UGT2A2: variants seen among roughly 807,000 people sequenced by gnomAD.
The protein encoded by UGT2A2 is UDP glucuronosyltransferase family 2 member A2.
UGT2A2 carries 60 observed loss-of-function variants against 50.7 expected under a neutral mutation model. The ratio of observed to expected loss-of-function variants is 1.18; its 90% CI spans 0.96 to 1.47. The LOEUF is 1.47. Ranked by LOEUF, UGT2A2 falls within the 40% of genes most tolerant of loss-of-function variation. The pLI is 0.00. For missense variants in UGT2A2, 762 were observed against 634.0 expected (o/e 1.20, Z -2.17); for synonymous variants, 242 against 214.6 (o/e 1.13, Z -1.11).
At chr4:69,590,422 T>C (rs1480468271) in intron 5 of UGT2A2, among the ~76,000 whole-genome samples, 1 of 152,224 alleles carries the variant, frequency 6.6e-6, no homozygotes, top group African/African-American at 2.4e-5. Flanking sequence ...GTTTCCCTAG[T>C]TGTTAAACCA....
intron 1 of UGT2A2, among the ~76,000 whole-genome samples, chr4:69,627,624 A>G (rs2109949307): frequency 6.6e-6 from 1 of 151,754 alleles, no homozygotes; most frequent in African/African-American, 2.4e-5. Flanking sequence ...GAGAAGAAAG[A>G]AAAAAGAAAA....
chr4:69,622,794 G>A (rs970684706), intron 1 of UGT2A2, among the ~76,000 whole-genome samples: 2 of 151,696 alleles, frequency 1.3e-5, no homozygotes, highest in African/African-American at 2.4e-5. Flanking sequence ...GAATATAGAC[G>A]TTCAAGGTCC....
At chr4:69,621,867 T>C (rs920599903) in intron 1 of UGT2A2, among the ~76,000 whole-genome samples, 2 of 151,666 alleles carry the variant, frequency 1.3e-5, no homozygotes, top group Non-Finnish European at 2.9e-5. Context: ...TAGATGGAGC[T>C]GGGGGGAGGG....
intron 1 of UGT2A2, among the ~76,000 whole-genome samples, chr4:69,604,998 G>A (rs62306497): frequency 0.19 from 24,998 of 135,058 alleles, 6,068 homozygotes; most frequent in Non-Finnish European, 0.22. Flanking sequence ...CACTGTCAAC[G>A]TTAGACAGAT....
At chr4:69,610,246 C>A (rs563013218) in intron 1 of UGT2A2, among the ~76,000 whole-genome samples, 4 of 151,054 alleles carry the variant, frequency 2.6e-5, no homozygotes. Flanking sequence ...TCTGCCATTA[C>A]AAAAAAAAAG....
At position 69,607,064 on chromosome 4, in the gene UGT2A2, A is replaced by T. The variant is rs1334354349; in HGVS notation, c.743-7670T>A. Among the ~76,000 whole-genome samples the T allele has an allele frequency of 1.0e-4, 11 of 107,120 alleles. 3 individuals carry two copies. The highest frequency in any genetic ancestry group is 2.7e-4 in the Admixed American group (3 of 11,152). 70.3% of individuals were successfully genotyped at this position (107,120 alleles called of 152,430 possible). ...GACTTTCTTCACAGAATTGGAAAAAACTACTTTAAAGTTCATATGGAACCA... is the reference window on the plus strand; with the variant it reads ...GACTTTCTTCACAGAATTGGAAAAATCTACTTTAAAGTTCATATGGAACCA... On this transcript the variant is annotated intron_variant, in intron 1 of 5. Coordinates refer to ENST00000604629, the MANE Select transcript of UGT2A2 (RefSeq NM_001105677.2).
chr4:69,606,782 A>G (rs1719652034), intron 1 of UGT2A2, among the ~76,000 whole-genome samples: 1 of 136,774 alleles, frequency 7.3e-6, no homozygotes, highest in Admixed American at 7.2e-5. Context: ...CCAATAACAG[A>G]CAAACAGAGA....
intron 1 of UGT2A2, among the ~76,000 whole-genome samples, chr4:69,626,965 C>T (rs191848032): frequency 1.0e-3 from 152 of 151,754 alleles, no homozygotes; most frequent in African/African-American, 3.3e-3. Flanking sequence ...CTTCTGTTTT[C>T]GCTGCCTCAA....
chr4:69,623,794 A>G (rs962382747), intron 1 of UGT2A2, among the ~76,000 whole-genome samples: 9 of 151,582 alleles, frequency 5.9e-5, no homozygotes, highest in Non-Finnish European at 8.9e-5. Flanking sequence ...AAGGTAGAAA[A>G]TTGAGCTTAA....
Position 69,604,473 on chromosome 4 carries a change from A to G in UGT2A2, c.743-5079T>C, listed in dbSNP as rs1719481152. Among the ~76,000 whole-genome samples the G allele has an allele frequency of 1.5e-5, 2 of 137,216 alleles. 1 individual carries two copies. Among genetic ancestry groups the G allele is most frequent in the Non-Finnish European group, 3.1e-5 (2 of 64,454 alleles). The allele number at this position is 137,216 out of a possible 152,430, so 90.0% of individuals were successfully genotyped here. ...ACCAGCCACTGCAAAAACATGCCACATTGTACAGACCATCGAGGCTAGGAA... is the reference window on the plus strand; with the variant it reads ...ACCAGCCACTGCAAAAACATGCCACGTTGTACAGACCATCGAGGCTAGGAA... On this transcript the variant is annotated intron_variant, in intron 1 of 5. Coordinates refer to ENST00000604629, the MANE Select transcript of UGT2A2 (RefSeq NM_001105677.2).
intron 5 of UGT2A2, among the ~76,000 whole-genome samples, chr4:69,592,706 G>A (rs1718657364): frequency 2.6e-5 from 4 of 152,086 alleles, no homozygotes; most frequent in Admixed American, 2.0e-4. Context: ...CAGGAAATAA[G>A]AGAGGAAAAC....
chr4:69,637,997 CAGGAAGGAAGGA>C (rs200856756), intron 1 of UGT2A2, among the ~76,000 whole-genome samples: 1 of 132,986 alleles, frequency 7.5e-6, no homozygotes, highest in Non-Finnish European at 1.6e-5. Context: ...GGAAGGCAGG[CAGGAAGGAAGGA>C]AGGAAGGAAG....
At chr4:69,632,874 C>T (rs1422908562) in intron 1 of UGT2A2, among the ~76,000 whole-genome samples, 2 of 141,764 alleles carry the variant, frequency 1.4e-5, no homozygotes, top group African/African-American at 2.7e-5. Flanking sequence ...AGCGACAGTG[C>T]AAGACTCGGT....
chr4:69,631,517 T>A (rs17680131), intron 1 of UGT2A2, among the ~76,000 whole-genome samples: 34,514 of 151,964 alleles, frequency 0.23, 4,188 homozygotes, highest in Middle Eastern at 0.26. Flanking sequence ...TAATGAGAAA[T>A]AGTTTAGTTA....
intron 1 of UGT2A2, among the ~76,000 whole-genome samples, chr4:69,616,447 T>A (rs539061154): frequency 6.6e-6 from 1 of 152,002 alleles, no homozygotes; most frequent in Admixed American, 6.6e-5. Context: ...CCTGATTTGA[T>A]CATTACACAT....
chr4:69,592,777 A>G (rs1718662592), intron 5 of UGT2A2, among the ~76,000 whole-genome samples: 1 of 152,094 alleles, frequency 6.6e-6, no homozygotes, highest in African/African-American at 2.4e-5. Flanking sequence ...AAGATAAAAA[A>G]TGGAAATAAA....
At chr4:69,600,345 A>G (rs552852542) in intron 1 of UGT2A2, among the ~76,000 whole-genome samples, 13 of 152,304 alleles carry the variant, frequency 8.5e-5, no homozygotes, top group African/African-American at 2.4e-4. Context: ...TCCTAATCCT[A>G]TATCACAAGG....
At chr4:69,595,711 G>A (rs559325524) in intron 3 of UGT2A2, among the ~76,000 whole-genome samples, 51 of 152,302 alleles carry the variant, frequency 3.3e-4, no homozygotes, top group African/African-American at 1.2e-3. Flanking sequence ...GAAATTGCAT[G>A]TTGTTGGACT....
At chr4:69,609,949 T>A (rs1310468665) in intron 1 of UGT2A2, among the ~76,000 whole-genome samples, 1 of 152,174 alleles carries the variant, frequency 6.6e-6, no homozygotes, top group Non-Finnish European at 1.5e-5. Flanking sequence ...ATTCTACATA[T>A]GTGTTTGTAT....
Sources: allele counts gnomAD v4.1 joint callset (sites outside exome capture counted in the v4.1 genomes callset), GRCh38; gene constraint gnomAD v4.1.1; transcripts MANE v1.5; gene names NCBI Gene and HGNC (gene_info 2026-07-23, HGNC 2026-07-21).